Variants in MYO7B observed in about 807,000 individuals in gnomAD.
MYO7B encodes unconventional myosin-VIIb.
A neutral mutation model predicts 259.7 loss-of-function variants in MYO7B; 212 were observed. The observed-to-expected ratio is 0.82, with a 90% CI of 0.73 to 0.91. The LOEUF (loss-of-function observed/expected upper bound fraction) is 0.91, where lower values mean the gene tolerates loss of function less well. Among genes scored for constraint, MYO7B ranks in the 40% least tolerant of loss-of-function variants. The pLI is 0.00. For synonymous variants in MYO7B, 1,197 were observed against 1,166.4 expected (o/e 1.03, Z -0.54); for missense variants, 2,732 against 2,813.5 (o/e 0.97, Z 0.66).
At chr2:127,560,030 C>CTTTTTTTTTT (rs59002626) in intron 2 of MYO7B, among the ~76,000 whole-genome samples, 1 of 138,180 alleles carries the variant, frequency 7.2e-6, no homozygotes, top group Non-Finnish European at 1.5e-5. Context: ...CTTTTCTTTT[C>CTTTTTTTTTT]TTTTTTTTTT....
rs373885270 is a variant in MYO7B, at chr2:127,609,510, T to C, written c.2819T>C (p.Leu940Pro). The change falls in exon 23 of 48, where the codon CTG becomes CCG. Residue 940 changes from leucine to proline, a missense_variant. By Grantham distance (98) the Leu-to-Pro change is moderately conservative (BLOSUM62 -3). Coordinates refer to ENST00000409816, the MANE Select transcript of MYO7B (RefSeq NM_001393586.1). The surrounding 1 kb of genome is among the most constrained non-coding windows in gnomAD (Gnocchi z 6.9). Reference sequence around the variant, plus strand: ...GTTCTCCCTCAATGGCCGTAGGATCTGGAATCGAAGACCCAGAAGCTGCTT... The same window carrying C: ...GTTCTCCCTCAATGGCCGTAGGATCCGGAATCGAAGACCCAGAAGCTGCTT... The part of the protein sequence containing the change: ...EGQASPHFED[L>P]ESKTQKLLEV... The C allele has an allele frequency of 1.9e-6, 3 of 1,611,492 alleles. No individual in the cohort carries two copies. Among genetic ancestry groups the C allele is most frequent in the Non-Finnish European group, 1.7e-6 (2 of 1,178,690 alleles).
At chr2:127,588,591 C>T (rs2104957813) in intron 15 of MYO7B, 36 bp downstream of exon 15, 1 of 1,610,702 alleles carries the variant, frequency 6.2e-7, no homozygotes, top group Non-Finnish European at 8.5e-7. Flanking sequence ...TCTGTCACCC[C>T]TGATGGCTAC....
chr2:127,631,132 G>A (rs1313457516), intron 36 of MYO7B, 74 bp from the exon 37 acceptor site: 2 of 1,480,486 alleles, frequency 1.4e-6, no homozygotes, highest in African/African-American at 2.8e-5. Context: ...GCCACTCAGG[G>A]GTGTCAGAGG....
rs1239317142 is a variant in MYO7B at position 127,586,585 on chromosome 2, G to T, written c.1690+1672G>T. Among the ~76,000 whole-genome samples the T allele has an allele frequency of 6.6e-6, 1 of 152,200 alleles. No individual in the cohort carries two copies. The highest frequency in any genetic ancestry group is 2.4e-5 in the African/African-American group (1 of 41,444). ...TTGGAAAAGGGAGAGGCTGGAGCCA[G>T]TCGGACCTGCAGGGTCCTGGGACGC... On this transcript the variant is annotated intron_variant, in intron 14 of 47. Coordinates refer to ENST00000409816, the MANE Select transcript of MYO7B (RefSeq NM_001393586.1). This position sits in a 1 kb window ranked among gnomAD's most constrained non-coding sequence, Gnocchi z 4.8.
Position 127,561,824 on chromosome 2 carries a change from G to A in MYO7B, c.18+2084G>A, listed in dbSNP as rs1263616060. Among the ~76,000 whole-genome samples the A allele has an allele frequency of 3.3e-5, 5 of 152,202 alleles. No individual in the cohort carries two copies. In the East Asian group the frequency reaches 9.6e-4, roughly 29 times the overall value. On this transcript the variant is annotated intron_variant, in intron 2 of 47. Coordinates refer to ENST00000409816, the MANE Select transcript of MYO7B (RefSeq NM_001393586.1). ...TGCCATAACAAGGTATCACAGACTGGATGGCCTAAACCACAGACATTTGCG... is the reference window on the plus strand; with the variant it reads ...TGCCATAACAAGGTATCACAGACTGAATGGCCTAAACCACAGACATTTGCG...
At chr2:127,582,741 CAG>C (rs36049660) in intron 12 of MYO7B, among the ~76,000 whole-genome samples, 66,504 of 151,958 alleles carry the variant, frequency 0.44, 15,117 homozygotes, top group South Asian at 0.69. Context: ...AGGGTTGAAA[CAG>C]AAATCAATAA....
intron 14 of MYO7B, among the ~76,000 whole-genome samples, chr2:127,587,308 T>G (rs1456305719): frequency 6.6e-6 from 1 of 152,136 alleles, no homozygotes; most frequent in African/African-American, 2.4e-5. Context: ...ACATGGGATC[T>G]TCTCACCCGC....
At position 127,581,958 on chromosome 2, in the gene MYO7B, C is replaced by T. The variant is rs372598344; in HGVS notation, c.1148C>T (p.Thr383Ile). ...HTILIRGEFV[T>I]RSLNIAQAAD... ...ATCCTCATCCGAGGGGAATTTGTCACCAGGTCCCTGAACATTGCCCAGGCT... is the reference window on the plus strand; with the variant it reads ...ATCCTCATCCGAGGGGAATTTGTCATCAGGTCCCTGAACATTGCCCAGGCT... Residue 383 changes from threonine (T) to isoleucine (I), a missense_variant, in exon 11 of 48, where the codon ACC becomes ATC. Physicochemically the swap from Thr to Ile is moderately conservative, Grantham distance 89. This residue lies in a region of MYO7B where 1,906 missense variants were observed against 2,026.4 expected (regional missense o/e 0.94). Transcript: ENST00000409816. 1.9e-5 allele frequency: 30 copies of T among 1,613,836 alleles called. No homozygotes were observed. Among genetic ancestry groups the T allele is most frequent in the Non-Finnish European group, 2.5e-5 (30 of 1,179,894 alleles).
rs1443037014 is a variant in MYO7B, at chr2:127,559,002, T to C, written c.-23-698T>C. On this transcript the variant is annotated intron_variant, in intron 1 of 47. Transcript: ENST00000409816. The surrounding 1 kb of genome is among the most constrained non-coding windows in gnomAD (Gnocchi z 4.1). ...AAGTCACGGCTAAAGAGCTTAGCAA[T>C]AGACCTGGTACCCACCTTGCACTGC... is the stretch of plus-strand genomic sequence containing the variant. Among the ~76,000 whole-genome samples the C allele has an allele frequency of 6.6e-6, 1 of 152,212 alleles. No homozygotes were observed. Among genetic ancestry groups the C allele is most frequent in the African/African-American group, 2.4e-5 (1 of 41,450 alleles).
At chr2:127,618,337 A>C (rs533790754) in intron 26 of MYO7B, among the ~76,000 whole-genome samples, 1 of 152,236 alleles carries the variant, frequency 6.6e-6, no homozygotes, top group South Asian at 2.1e-4. Context: ...AGGGCTCCCT[A>C]CTCCTAGTAA....
rs533789693 is a variant in MYO7B, at chr2:127,545,564, C to T, written c.-24+9733C>T. Among the ~76,000 whole-genome samples the T allele has an allele frequency of 3.9e-5, 6 of 152,350 alleles. 1 individual carries two copies. The highest frequency in any genetic ancestry group is 1.4e-4 in the African/African-American group (6 of 41,590). ...TGAAGCACAGCCCGACAGCATAGAA[C>T]GAGGCTCTGCTGGGAGCAGTTCCCC... On this transcript the variant is annotated intron_variant, in intron 1 of 47. Coordinates refer to ENST00000409816, the MANE Select transcript of MYO7B (RefSeq NM_001393586.1).
chr2:127,566,609 G>A, intron 4 of MYO7B, 34 bp from the exon 5 acceptor site: 6 of 1,524,538 alleles, frequency 3.9e-6, no homozygotes, highest in Non-Finnish European at 5.3e-6. Flanking sequence ...CTCTGCCAGG[G>A]GCAGAGGGCA....
At chr2:127,619,357 T>C (rs1419785335) in intron 26 of MYO7B, among the ~76,000 whole-genome samples, 1 of 52,820 alleles carries the variant, frequency 1.9e-5, no homozygotes, top group Admixed American at 2.4e-4. Context: ...GGCTGGGTGG[T>C]GGGCGCCAGC....
intron 1 of MYO7B, among the ~76,000 whole-genome samples, chr2:127,551,642 G>A (rs1373158774): frequency 6.6e-6 from 1 of 152,240 alleles, no homozygotes; most frequent in Non-Finnish European, 1.5e-5. Flanking sequence ...AATTGATAAA[G>A]CAAGGCCCTA....
chr2:127,569,745 A>T, intron 5 of MYO7B, 44 bp from the exon 6 acceptor site: 1 of 1,578,172 alleles, frequency 6.3e-7, no homozygotes, highest in Non-Finnish European at 8.6e-7. Context: ...GTTGAAAAAA[A>T]TAGTCGTTTT....
chr2:127,632,321 C>T lies in MYO7B; in HGVS notation c.5325C>T (p.Pro1775=). Residue 1775 remains proline, a synonymous_variant, in exon 39 of 48, where the codon CCC becomes CCT. Coordinates refer to ENST00000409816, the MANE Select transcript of MYO7B (RefSeq NM_001393586.1). ...TCCCGCCCAGCAAGGGGCTGCTGCCCCATGCCCAGAAGTTTATAGACACTC... is the reference window on the plus strand; with the variant it reads ...TCCCGCCCAGCAAGGGGCTGCTGCCTCATGCCCAGAAGTTTATAGACACTC... ...GLFPPSKGLL[P]HAQKFIDTRR... The T allele has an allele frequency of 1.9e-6, 3 of 1,609,058 alleles. No homozygotes were observed. Among genetic ancestry groups the T allele is most frequent in the East Asian group, 4.5e-5 (2 of 44,806 alleles).
At chr2:127,564,638 T>C (rs1678253926) in intron 3 of MYO7B, among the ~76,000 whole-genome samples, 1 of 152,010 alleles carries the variant, frequency 6.6e-6, no homozygotes, top group Admixed American at 6.5e-5. Context: ...GACCAGCTCG[T>C]CCACCAGAGG....
At chr2:127,578,835 C>T (rs898593205) in intron 9 of MYO7B, among the ~76,000 whole-genome samples, 1 of 152,034 alleles carries the variant, frequency 6.6e-6, no homozygotes, top group Non-Finnish European at 1.5e-5. Context: ...CAGTAGAAAT[C>T]GATCCACAAA....
In MYO7B at chr2:127,565,379, G is replaced by A; in HGVS notation, c.279G>A (p.Lys93=). ...TCCTGATCCGCTACCAGCAGCACAAGATCTATGTGAGTCTCCCCAGCCCTG... is the reference window on the plus strand; with the variant it reads ...TCCTGATCCGCTACCAGCAGCACAAAATCTATGTGAGTCTCCCCAGCCCTG... ...HNLLIRYQQH[K]IYTYTGSILV... The change falls in exon 4 of 48, where the codon AAG becomes AAA. Residue 93 remains lysine (K), a synonymous_variant. Coordinates refer to ENST00000409816, the MANE Select transcript of MYO7B (RefSeq NM_001393586.1). 1.2e-6 allele frequency: 2 copies of A among 1,614,014 alleles called. No individual in the cohort carries two copies. Among genetic ancestry groups the A allele is most frequent in the Non-Finnish European group, 8.5e-7 (1 of 1,179,878 alleles).
Sources: allele counts gnomAD v4.1 joint callset (sites outside exome capture counted in the v4.1 genomes callset), GRCh38; gene constraint gnomAD v4.1.1; regional missense constraint gnomAD v4.1.1; non-coding constraint Gnocchi (gnomAD v3.1); transcripts MANE v1.5; gene names NCBI Gene and HGNC (gene_info 2026-07-23, HGNC 2026-07-21).